Variants in ATP9B observed in about 807,000 individuals in gnomAD.
The protein encoded by ATP9B is probable phospholipid-transporting ATPase IIB.
Under a neutral mutation model 146.1 loss-of-function variants are expected in ATP9B, and 110 were observed. The observed-to-expected ratio is 0.75, with a 90% CI of 0.65 to 0.88. The LOEUF (loss-of-function observed/expected upper bound fraction) is 0.88, where lower values mean the gene tolerates loss of function less well. ATP9B is among the 40% of genes least tolerant of loss of function. ATP9B has a pLI of 0.00. For missense variants in ATP9B, 1,499 were observed against 1,496.4 expected (o/e 1.00, Z -0.03); for synonymous variants, 604 against 569.7 (o/e 1.06, Z -0.86).
intron 28 of ATP9B, among the ~76,000 whole-genome samples, chr18:79,374,784 T>G (rs1328316883): frequency 6.6e-6 from 1 of 152,286 alleles, no homozygotes; most frequent in African/African-American, 2.4e-5. Flanking sequence ...TTTCAAGTTA[T>G]AATGTGCTAG....
chr18:79,276,929 G>A, intron 12 of ATP9B, 125 bp from the exon 13 acceptor site: 1 of 1,464,886 alleles, frequency 6.8e-7, no homozygotes, highest in Non-Finnish European at 9.4e-7. Context: ...GGCAGTTTGG[G>A]TATGAACTTG....
intron 3 of ATP9B, among the ~76,000 whole-genome samples, chr18:79,111,749 C>G (rs1270394330): frequency 6.6e-6 from 1 of 152,138 alleles, no homozygotes; most frequent in African/African-American, 2.4e-5. Flanking sequence ...CACAGCCTGC[C>G]CAGATTGGCC....
chr18:79,189,278 C>A (rs974642961), intron 8 of ATP9B, among the ~76,000 whole-genome samples: 1 of 151,866 alleles, frequency 6.6e-6, no homozygotes, highest in African/African-American at 2.4e-5. Flanking sequence ...ACCTGGGAGG[C>A]GGAGGTTGCA....
intron 12 of ATP9B, among the ~76,000 whole-genome samples, chr18:79,268,328 G>A (rs563859111): frequency 2.0e-5 from 3 of 152,158 alleles, no homozygotes; most frequent in Non-Finnish European, 2.9e-5. Context: ...TTTGACTAGA[G>A]TATTGCATAT....
chr18:79,222,464 C>A (rs1042079461), intron 11 of ATP9B, among the ~76,000 whole-genome samples: 1 of 152,122 alleles, frequency 6.6e-6, no homozygotes, highest in Non-Finnish European at 1.5e-5. Flanking sequence ...AGGGTGGCCC[C>A]ACGTAGGCAA....
At chr18:79,373,278 C>G (rs1322246780) in intron 27 of ATP9B, among the ~76,000 whole-genome samples, 1 of 114,016 alleles carries the variant, frequency 8.8e-6, no homozygotes, top group Non-Finnish European at 2.1e-5. Context: ...GCAAGTATAA[C>G]TAACAGATCA....
At chr18:79,078,288 T>C (rs2072860832) in intron 1 of ATP9B, 1 of 152,270 alleles carries the variant, frequency 6.6e-6, no homozygotes, top group African/African-American at 2.4e-5. Flanking sequence ...TGGGGACTTT[T>C]TTGGTCTGTG....
chr18:79,349,440 G>C (rs1017123199), intron 25 of ATP9B, among the ~76,000 whole-genome samples: 2 of 152,208 alleles, frequency 1.3e-5, no homozygotes, highest in Admixed American at 6.5e-5. Context: ...TCAGACCTGA[G>C]TTGTCAGGGG....
At chr18:79,368,242 T>C (rs2097047258) in intron 26 of ATP9B, among the ~76,000 whole-genome samples, 1 of 152,158 alleles carries the variant, frequency 6.6e-6, no homozygotes, top group African/African-American at 2.4e-5. Context: ...TTTCCTAGGA[T>C]AGATGAACAG....
intron 11 of ATP9B, among the ~76,000 whole-genome samples, chr18:79,246,315 C>CTGAGGAGGGCACCGCCCTACTGACTG (rs1568485677): frequency 1.5e-5 from 2 of 131,962 alleles, no homozygotes; most frequent in African/African-American, 5.9e-5. Context: ...GCCCTACTGA[C>CTGAGGAGGGCACCGCCCTACTGACTG]TGAGGAGGGC....
chr18:79,069,549 C>A lies in ATP9B; in HGVS notation c.119+20C>A. ...CAGCAGGTAACCGAGGCGGCACTGGCCCCGTTCCCCGCCGACGCTCCCCGG... is the reference window on the plus strand; with the variant it reads ...CAGCAGGTAACCGAGGCGGCACTGGACCCGTTCCCCGCCGACGCTCCCCGG... On this transcript the variant is annotated intron_variant, in intron 1 of 29. Transcript: ENST00000426216. The A allele has an allele frequency of 7.7e-7, 1 of 1,300,382 alleles. No individual in the cohort carries two copies. Among genetic ancestry groups the A allele is most frequent in the Non-Finnish European group, 9.8e-7 (1 of 1,018,530 alleles). The allele number at this position is 1,300,382 out of a possible 1,614,324, so 80.6% of individuals were successfully genotyped here.
intron 15 of ATP9B, among the ~76,000 whole-genome samples, chr18:79,327,641 G>GTTAGCGTGCTCTCCGTGT (rs1555849924): frequency 0.048 from 2,235 of 47,020 alleles, 329 homozygotes; most frequent in African/African-American, 0.068. Flanking sequence ...GCCCTCCCTG[G>GTTAGCGTGCTCTCCGTGT]TTAGCATGCT....
In ATP9B at chr18:79,069,560, G is replaced by C. The variant is rs763424187; in HGVS notation, c.119+31G>C. On this transcript the variant is annotated intron_variant, in intron 1 of 29. Coordinates refer to ENST00000426216, the MANE Select transcript of ATP9B (RefSeq NM_198531.5). ...CGAGGCGGCACTGGCCCCGTTCCCC[G>C]CCGACGCTCCCCGGGGCCCCCAGCC... is the stretch of plus-strand genomic sequence containing the variant. 1,935 of 1,275,778 alleles carry C rather than the reference G, an allele frequency of 1.5e-3. 4 individuals carry two copies. The highest frequency in any genetic ancestry group is 1.9e-3 in the Non-Finnish European group (1,868 of 999,718). The allele number at this position is 1,275,778 out of a possible 1,614,324, so 79.0% of individuals were successfully genotyped here. A position where few individuals can be genotyped will look rare whatever the true frequency, so the allele number is the denominator to read the frequency against.
At chr18:79,123,074 C>G (rs1304158014) in intron 4 of ATP9B, among the ~76,000 whole-genome samples, 1 of 151,920 alleles carries the variant, frequency 6.6e-6, no homozygotes, top group Non-Finnish European at 1.5e-5. Context: ...TTGTATAGGG[C>G]AGTTAGTTAA....
intron 7 of ATP9B, among the ~76,000 whole-genome samples, chr18:79,173,443 T>TG (rs887052425): frequency 2.6e-5 from 4 of 152,098 alleles, no homozygotes; most frequent in African/African-American, 9.6e-5. Context: ...TTTTTTTTTT[T>TG]TGTCCTAAAA....
chr18:79,254,841 C>G (rs2096062987), intron 12 of ATP9B: 1 of 152,426 alleles, frequency 6.6e-6, no homozygotes, highest in Non-Finnish European at 1.5e-5. Flanking sequence ...GGCTCTTACC[C>G]TAAATACCTT....
At chr18:79,266,528 C>G (rs1237870532) in intron 12 of ATP9B, among the ~76,000 whole-genome samples, 2 of 151,884 alleles carry the variant, frequency 1.3e-5, no homozygotes, top group African/African-American at 4.8e-5. Flanking sequence ...TTCTTTTGTT[C>G]CCATCCTCAA....
intron 29 of ATP9B, chr18:79,375,855 G>A (rs930145883): frequency 2.0e-6 from 2 of 985,256 alleles, no homozygotes; most frequent in Non-Finnish European, 2.4e-6. Context: ...CTGCTCCATA[G>A]ATCTTTTTAT....
intron 1 of ATP9B, among the ~76,000 whole-genome samples, chr18:79,092,488 G>A (rs2074410074): frequency 6.6e-6 from 1 of 151,872 alleles, no homozygotes. Flanking sequence ...TTTTTACTTT[G>A]TAATTTTTTT....
Sources: allele counts gnomAD v4.1 joint callset (sites outside exome capture counted in the v4.1 genomes callset), GRCh38; gene constraint gnomAD v4.1.1; transcripts MANE v1.5; gene names NCBI Gene and HGNC (gene_info 2026-07-23, HGNC 2026-07-21).